The following ATP1A3 variants were observed in gnomAD, a reference collection of about 807,000 sequenced individuals.
The protein encoded by ATP1A3 is sodium/potassium-transporting ATPase subunit alpha-3.
In ATP1A3, 12 loss-of-function variants were observed where a neutral mutation model predicts 108.8. The observed-to-expected ratio is 0.11, with a 90% CI of 0.07 to 0.18. The LOEUF is 0.18. Among genes scored for constraint, ATP1A3 ranks in the 10% least tolerant of loss-of-function variants. The pLI is 1.00. For synonymous variants in ATP1A3, 539 were observed against 564.5 expected, an observed-to-expected ratio of 0.95 and a Z score of 0.64; for missense variants, 498 against 1,387.7, an observed-to-expected ratio of 0.36 and a Z score of 10.19.
At chr19:41,974,971 G>A (rs1555860627) in intron 16 of ATP1A3, among the ~76,000 whole-genome samples, 1 of 152,158 alleles carries the variant, frequency 6.6e-6, no homozygotes, top group African/African-American at 2.4e-5. Context: ...TGTCCACTCT[G>A]GGAAGCTCCC....
Position 41,967,922 on chromosome 19 carries a change from C to A in ATP1A3, c.2820-159G>T, listed in dbSNP as rs557391536. 3.3e-4 allele frequency among the ~76,000 whole-genome samples: 50 copies of A among 152,024 alleles called. No individual in the cohort carries two copies. The highest frequency in any genetic ancestry group is 5.7e-4 in the Non-Finnish European group (39 of 67,966). On this transcript the variant is annotated intron_variant, in intron 20 of 22. Coordinates refer to ENST00000648268, the MANE Select transcript of ATP1A3 (RefSeq NM_152296.5). The surrounding 1 kb of genome is among the most constrained non-coding windows in gnomAD (Gnocchi z 4.2). The stretch of plus-strand genomic sequence containing the variant: ...ATAGGGAGAGACAGAGATGGGGAGA[C>A]ATGCCCCGACAGAGAGAGACAAAGA...
chr19:41,988,436 G>A lies in ATP1A3; in HGVS notation c.93+40C>T, dbSNP rs2075306294. ...GCCTAGGCCAGCCAAGAACTGGCGA[G>A]GTTCTCTGGGAGGGTGTGCGGGCAG... On this transcript the variant is annotated intron_variant, in intron 2 of 22. Transcript: ENST00000648268. This position sits in a 1 kb window ranked among gnomAD's most constrained non-coding sequence, Gnocchi z 5.3. 1 of 1,614,220 alleles carries A rather than the reference G, an allele frequency of 6.2e-7. No individual in the cohort carries two copies. Among genetic ancestry groups the A allele is most frequent in the Non-Finnish European group, 8.5e-7 (1 of 1,180,030 alleles).
chr19:41,969,658 G>A (rs970051884), intron 18 of ATP1A3, 78 bp from the exon 19 acceptor site: 19 of 1,576,086 alleles, frequency 1.2e-5, no homozygotes, highest in Middle Eastern at 1.7e-4. Context: ...CAGAGGGCCC[G>A]GAGGCCTCCT....
intron 19 of ATP1A3, 74 bp downstream of exon 19, chr19:41,969,361 G>A: frequency 6.2e-7 from 1 of 1,606,688 alleles, no homozygotes; most frequent in African/African-American, 1.3e-5. Flanking sequence ...CGTAGGAAGT[G>A]GCCATGCATG....
intron 14 of ATP1A3, among the ~76,000 whole-genome samples, chr19:41,977,245 GAA>G (rs1337500850): frequency 6.6e-6 from 1 of 151,918 alleles, no homozygotes. Context: ...AGACAGACAG[GAA>G]AAAAGAGAGA....
rs1203339638 is a variant in ATP1A3 at position 41,988,103 on chromosome 19, G to A, written c.190C>T (p.Arg64Trp). The A allele has an allele frequency of 3.7e-6, 6 of 1,613,982 alleles. No individual in the cohort carries two copies. The highest frequency in any genetic ancestry group is 1.3e-5 in the African/African-American group (1 of 74,886). Residue 64 changes from arginine (R) to tryptophan (W), a missense_variant, in exon 4 of 23, where the codon CGG (arginine) becomes TGG (tryptophan). By Grantham distance (101) the Arg-to-Trp change is moderately radical. Around this residue, in one of 9 missense-constraint regions of ATP1A3, gnomAD observed 127 missense variants for 464.0 expected, o/e 0.27. Coordinates refer to ENST00000648268, the MANE Select transcript of ATP1A3 (RefSeq NM_152296.5). The surrounding 1 kb of genome is among the most constrained non-coding windows in gnomAD (Gnocchi z 5.3). Reference sequence around the variant, plus strand: ...GGCGTGAGTGCGTTAGGCCCATCCCGGGCCAGGATCTCCTGGGCTTTGCTG... The same window carrying A: ...GGCGTGAGTGCGTTAGGCCCATCCCAGGCCAGGATCTCCTGGGCTTTGCTG... ...THSKAQEILA[R>W]DGPNALTPPP...
At position 41,967,380 on chromosome 19, in the gene ATP1A3, T is replaced by C; in HGVS notation, c.2922-40A>G. ...GCAGGAGGGCTTGAGTGCGGGGCCC[T>C]AACGAGAGGCAGAGTTTCAGGGGAC... On this transcript the variant is annotated intron_variant, in intron 21 of 22. Transcript: ENST00000648268. The surrounding 1 kb of genome is among the most constrained non-coding windows in gnomAD (Gnocchi z 4.2). 6.3e-7 allele frequency: 1 copy of C among 1,585,018 alleles called. No individual in the cohort carries two copies. The highest frequency in any genetic ancestry group is 8.6e-7 in the Non-Finnish European group (1 of 1,166,316).
At chr19:41,975,221 T>G (rs1288143049) in intron 16 of ATP1A3, among the ~76,000 whole-genome samples, 1 of 152,150 alleles carries the variant, frequency 6.6e-6, no homozygotes, top group African/African-American at 2.4e-5. Context: ...CCGGCTAATT[T>G]TTTGTATTTT....
rs572984944 is a variant in ATP1A3, at chr19:41,970,927, C to G, written c.2264-385G>C. 1.2e-4 allele frequency among the ~76,000 whole-genome samples: 18 copies of G among 150,692 alleles called. No individual in the cohort carries two copies. The South Asian group carries it at 1.9e-3, about 16-fold the overall frequency. ...GATTACAGGCGTGAGCCACCGCGCC[C>G]GGCCTGTCCAGCGTCCTTTTCTACC... On this transcript the variant is annotated intron_variant, in intron 16 of 22. Coordinates refer to ENST00000648268, the MANE Select transcript of ATP1A3 (RefSeq NM_152296.5).
Position 41,968,932 on chromosome 19 carries a change from C to A in ATP1A3, c.2689-17G>T, listed in dbSNP as rs370286197. Reference sequence around the variant, plus strand: ...CTCGTATGTCTGCAGGAGCGGTGACCAGGGCACGGGACGTCAGTTAGTGGC... The same window carrying A: ...CTCGTATGTCTGCAGGAGCGGTGACAAGGGCACGGGACGTCAGTTAGTGGC... On this transcript the variant is annotated splice_polypyrimidine_tract_variant and intron_variant, in intron 19 of 22. Transcript: ENST00000648268. This position sits in a 1 kb window ranked among gnomAD's most constrained non-coding sequence, Gnocchi z 5.0. The A allele has an allele frequency of 8.7e-6, 14 of 1,613,480 alleles. No individual in the cohort carries two copies. The highest frequency in any genetic ancestry group is 1.0e-5 in the Non-Finnish European group (12 of 1,179,664).
At chr19:41,974,514 T>C (rs1304216235) in intron 16 of ATP1A3, among the ~76,000 whole-genome samples, 2 of 152,166 alleles carry the variant, frequency 1.3e-5, no homozygotes, top group African/African-American at 4.8e-5. Flanking sequence ...CTCTGGGATA[T>C]AGGAGACAAG....
At chr19:41,982,179 C>T in intron 8 of ATP1A3, 73 bp from the exon 9 acceptor site, 1 of 1,611,330 alleles carries the variant, frequency 6.2e-7, no homozygotes, top group Non-Finnish European at 8.5e-7. Flanking sequence ...GACACGAGGG[C>T]CACAGCCCAG....
chr19:41,970,400 C>T lies in ATP1A3; in HGVS notation c.2406G>A (p.Leu802=), dbSNP rs1555859572. ...TGCCAGGGCTCACCATGTCAGTGCC[C>T]AGATCGATGCAGAGGATGGTGATGG... ...LGTITILCID[L]GTDMVPAISL... The change falls in exon 17 of 23, where the codon CTG becomes CTA. Residue 802 remains leucine, a synonymous_variant. Coordinates refer to ENST00000648268, the MANE Select transcript of ATP1A3 (RefSeq NM_152296.5). 6.2e-7 allele frequency: 1 copy of T among 1,614,212 alleles called. No individual in the cohort carries two copies. The highest frequency in any genetic ancestry group is 2.2e-5 in the East Asian group (1 of 44,874).
intron 4 of ATP1A3, 54 bp downstream of exon 4, chr19:41,987,882 G>A (rs1334368036): frequency 5.6e-6 from 9 of 1,595,072 alleles, no homozygotes; most frequent in Non-Finnish European, 7.7e-6. Context: ...TTGGGGTGCG[G>A]TGTCCGTAAA....
intron 19 of ATP1A3, among the ~76,000 whole-genome samples, chr19:41,969,199 G>A (rs2075075968): frequency 6.6e-6 from 1 of 152,180 alleles, no homozygotes; most frequent in Admixed American, 6.5e-5. Context: ...GGGCTTTGAA[G>A]GGACAGACAG....
rs995167863 is a variant in ATP1A3 at position 41,994,162 on chromosome 19, T to C, written c.-86A>G. The C allele has an allele frequency of 4.5e-6, 6 of 1,334,234 alleles. No individual in the cohort carries two copies. The African/African-American group carries it at 9.2e-5, about 21-fold the overall frequency. The allele number at this position is 1,334,234 out of a possible 1,614,324, so 82.6% of individuals were successfully genotyped here. Reference sequence around the variant, plus strand: ...GGCTCAGGCTTGGGCTGGGAGCCTCTGCAGCGCCCGCGCCTCGGTAGGTGC... The same window carrying C: ...GGCTCAGGCTTGGGCTGGGAGCCTCCGCAGCGCCCGCGCCTCGGTAGGTGC... On this transcript the variant is annotated 5_prime_UTR_variant, in exon 1 of 23. Transcript: ENST00000648268.
At chr19:41,971,905 A>AT (rs1475374649) in intron 16 of ATP1A3, among the ~76,000 whole-genome samples, 1 of 152,192 alleles carries the variant, frequency 6.6e-6, no homozygotes, top group Non-Finnish European at 1.5e-5. Flanking sequence ...TATGCATGCC[A>AT]TATCTCAATA....
Position 41,989,814 on chromosome 19 carries a change from G to GCT in ATP1A3, c.7-1254_7-1253dup, listed in dbSNP as rs147537602. ...GCAAGGCTGTTTCTCTCTCTTGATA[G>GCT]CTCTCTCTCTCTCTCTATCGCTCTG... is the stretch of plus-strand genomic sequence containing the variant. On this transcript the variant is annotated intron_variant, in intron 1 of 22. Coordinates refer to ENST00000648268, the MANE Select transcript of ATP1A3 (RefSeq NM_152296.5). Among the ~76,000 whole-genome samples the GCT allele has an allele frequency of 2.3e-3, 347 of 149,882 alleles. 2 individuals carry two copies. Among genetic ancestry groups the GCT allele is most frequent in the African/African-American group, 8.0e-3 (326 of 40,858 alleles).
chr19:41,968,746 C>T lies in ATP1A3; in HGVS notation c.2819+39G>A. 6.2e-7 allele frequency: 1 copy of T among 1,612,762 alleles called. No individual in the cohort carries two copies. The highest frequency in any genetic ancestry group is 8.5e-7 in the Non-Finnish European group (1 of 1,179,086). ...CAGACAGACAGACACTCGGACAGGA[C>T]AGATGGCTGTCCAGTCACCATGTGC... On this transcript the variant is annotated intron_variant, in intron 20 of 22. Coordinates refer to ENST00000648268, the MANE Select transcript of ATP1A3 (RefSeq NM_152296.5). The surrounding 1 kb of genome is among the most constrained non-coding windows in gnomAD (Gnocchi z 5.0).
Sources: gnomAD v4.1 joint callset for allele counts (sites outside exome capture counted in the v4.1 genomes callset) on GRCh38, gnomAD v4.1.1 for gene constraint, gnomAD v4.1.1 regional missense constraint, Gnocchi (gnomAD v3.1) non-coding constraint, MANE v1.5 for transcripts, NCBI Gene and HGNC (gene_info 2026-07-23, HGNC 2026-07-21) for gene names.